The following RGS20 variants were observed in gnomAD, a reference collection of about 807,000 sequenced individuals.
The protein encoded by RGS20 is gz-selective GTPase-activating protein.
Under a neutral mutation model 33.6 loss-of-function variants are expected in RGS20, and 30 were observed. The observed-to-expected ratio is 0.89, with a 90% CI of 0.67 to 1.21. RGS20 has a LOEUF of 1.21. Ranked by LOEUF, RGS20 falls within the 50% of genes most tolerant of loss-of-function variation. The probability of loss-of-function intolerance (pLI) is 0.00; values close to 1 mark genes in which losing one functional copy is unlikely to be tolerated. For synonymous variants in RGS20, 208 were observed against 197.9 expected (o/e 1.05, Z -0.43); for missense variants, 472 against 502.4 (o/e 0.94, Z 0.58).
In RGS20 at chr8:53,958,617, T is replaced by C. The variant is rs1814946387; in HGVS notation, c.*159T>C. 2.7e-6 allele frequency: 1 copy of C among 369,888 alleles called. No individual in the cohort carries two copies. The highest frequency in any genetic ancestry group is 4.7e-6 in the Non-Finnish European group (1 of 214,792). The allele number at this position is 369,888 out of a possible 1,614,324, so 22.9% of individuals were successfully genotyped here. On this transcript the variant is annotated 3_prime_UTR_variant, in exon 6 of 6. Coordinates refer to ENST00000297313, the MANE Select transcript of RGS20 (RefSeq NM_170587.4). ...TCAACAGACTGCTATATATTCACCA[T>C]GTAAACTGCAGCCACCTTTAGTGAT...
Position 53,934,874 on chromosome 8 carries a change from G to A in RGS20, c.511-4702G>A, listed in dbSNP as rs186191716. On this transcript the variant is annotated intron_variant, in intron 2 of 5. Coordinates refer to ENST00000297313, the MANE Select transcript of RGS20 (RefSeq NM_170587.4). ...CATAATTGAAAGTAAAACACTCCTCGGCAAACGCAAAAGAACAGAAATCAC... is the reference window on the plus strand; with the variant it reads ...CATAATTGAAAGTAAAACACTCCTCAGCAAACGCAAAAGAACAGAAATCAC... Among the ~76,000 whole-genome samples, 43 of 151,984 alleles carry A rather than the reference G, an allele frequency of 2.8e-4. No individual in the cohort carries two copies. The East Asian group carries it at 6.4e-3, about 23-fold the overall frequency.
chr8:53,946,099 A>G (rs1409331871), intron 3 of RGS20, among the ~76,000 whole-genome samples: 1 of 152,242 alleles, frequency 6.6e-6, no homozygotes, highest in Non-Finnish European at 1.5e-5. Flanking sequence ...ATATTTGCCT[A>G]TAAATATATG....
rs149058663 is a variant in RGS20 at position 53,907,012 on chromosome 8, C to T, written c.510+27410C>T. On this transcript the variant is annotated intron_variant, in intron 2 of 5. Transcript: ENST00000297313. ...CCCCAGACATAGCTCTCTGGCTTCA[C>T]GTTCCACCCCATTTTAATGTCATTA... Among the ~76,000 whole-genome samples, 266 of 152,272 alleles carry T rather than the reference C, an allele frequency of 1.7e-3. 1 individual carries two copies. Among genetic ancestry groups the T allele is most frequent in the South Asian group, 4.4e-3 (21 of 4,818 alleles).
intron 2 of RGS20, among the ~76,000 whole-genome samples, chr8:53,912,354 T>A (rs1233500266): frequency 4.8e-5 from 2 of 41,978 alleles, no homozygotes; most frequent in African/African-American, 2.6e-4. Context: ...TAATCTTGAT[T>A]TTTTTTTTTT....
rs528967892 is a variant in RGS20, at chr8:53,871,624, A to T, written c.166-7634A>T. Among the ~76,000 whole-genome samples, 212 of 148,594 alleles carry T rather than the reference A, an allele frequency of 1.4e-3. 1 individual carries two copies. In the East Asian group the frequency reaches 0.015, roughly 10 times the overall value. ...AGAGTGAGAGTCCATCTCAAAAAAA[A>T]AATAATAATAATAATAATTACAACA... On this transcript the variant is annotated intron_variant, in intron 1 of 5. Transcript: ENST00000297313.
chr8:53,856,479 A>G (rs1811672580), intron 1 of RGS20, among the ~76,000 whole-genome samples: 1 of 152,078 alleles, frequency 6.6e-6, no homozygotes, highest in Non-Finnish European at 1.5e-5. Flanking sequence ...TTGGCCTCCC[A>G]AAGTGCTGAG....
rs192740481 is a variant in RGS20, at chr8:53,950,388, A to G, written c.743+3640A>G. On this transcript the variant is annotated intron_variant, in intron 4 of 5. Coordinates refer to ENST00000297313, the MANE Select transcript of RGS20 (RefSeq NM_170587.4). ...GAACTAGAAATGTCTCAGATTTCAG[A>G]TTTTTTCAGATTTCGGAATATTTGC... is the stretch of plus-strand genomic sequence containing the variant. 3.3e-5 allele frequency among the ~76,000 whole-genome samples: 5 copies of G among 152,166 alleles called. No homozygotes were observed. In the East Asian group the frequency reaches 9.7e-4, roughly 29 times the overall value.
At chr8:53,874,955 G>A (rs1352589129) in intron 1 of RGS20, among the ~76,000 whole-genome samples, 4 of 152,298 alleles carry the variant, frequency 2.6e-5, no homozygotes, top group East Asian at 1.9e-4. Flanking sequence ...TAACAGCTGT[G>A]AATATGAAGT....
Position 53,936,758 on chromosome 8 carries a change from T to C in RGS20, c.511-2818T>C, listed in dbSNP as rs890743772. Among the ~76,000 whole-genome samples the C allele has an allele frequency of 5.3e-5, 8 of 152,164 alleles. No homozygotes were observed. In the East Asian group the frequency reaches 1.5e-3, roughly 29 times the overall value. ...GGAAAAAACTACTTTAAATTTCATA[T>C]GGAACCAAAAAAGAGTTTGTATAGC... is the stretch of plus-strand genomic sequence containing the variant. On this transcript the variant is annotated intron_variant, in intron 2 of 5. Transcript: ENST00000297313.
At chr8:53,937,063 T>A (rs900739195) in intron 2 of RGS20, among the ~76,000 whole-genome samples, 5 of 151,968 alleles carry the variant, frequency 3.3e-5, no homozygotes, top group African/African-American at 1.2e-4. Context: ...TGAAATTGGG[T>A]TCTCACTCAT....
chr8:53,941,360 T>A (rs771062340), intron 3 of RGS20, among the ~76,000 whole-genome samples: 1 of 151,992 alleles, frequency 6.6e-6, no homozygotes, highest in Admixed American at 6.6e-5. Context: ...AAATAAGACA[T>A]TCTCAGACAT....
intron 2 of RGS20, among the ~76,000 whole-genome samples, chr8:53,902,105 C>T (rs1258935117): frequency 6.6e-6 from 1 of 152,144 alleles, no homozygotes; most frequent in Non-Finnish European, 1.5e-5. Context: ...ACAACCTCTG[C>T]CTCCTGGACC....
At chr8:53,903,276 A>G (rs1354755932) in intron 2 of RGS20, among the ~76,000 whole-genome samples, 2 of 152,240 alleles carry the variant, frequency 1.3e-5, no homozygotes, top group Admixed American at 6.5e-5. Context: ...TCAGTAAAAA[A>G]GCACTGCCCT....
chr8:53,934,928 A>C (rs2129289408), intron 2 of RGS20, among the ~76,000 whole-genome samples: 1 of 152,362 alleles, frequency 6.6e-6, no homozygotes, highest in South Asian at 2.1e-4. Context: ...CCACAGTGCA[A>C]TCAAATTAGA....
At chr8:53,871,511 G>C (rs1375479350) in intron 1 of RGS20, among the ~76,000 whole-genome samples, 1 of 151,960 alleles carries the variant, frequency 6.6e-6, no homozygotes, top group Non-Finnish European at 1.5e-5. Flanking sequence ...CACCTACTTA[G>C]GAAGCTGAGG....
In RGS20 at chr8:53,911,890, G is replaced by A. The variant is rs559755542; in HGVS notation, c.511-27686G>A. Reference sequence around the variant, plus strand: ...CGGGAGGTGAAAGTCGCAATTAGCCGAGATTGGGCCACTTAACTCCAGCTT... The same window carrying A: ...CGGGAGGTGAAAGTCGCAATTAGCCAAGATTGGGCCACTTAACTCCAGCTT... On this transcript the variant is annotated intron_variant, in intron 2 of 5. Coordinates refer to ENST00000297313, the MANE Select transcript of RGS20 (RefSeq NM_170587.4). 5.3e-5 allele frequency among the ~76,000 whole-genome samples: 8 copies of A among 152,288 alleles called. 1 individual carries two copies. Among genetic ancestry groups the A allele is most frequent in the African/African-American group, 1.2e-4 (5 of 41,568 alleles).
At chr8:53,873,502 T>C (rs1812124168) in intron 1 of RGS20, among the ~76,000 whole-genome samples, 1 of 152,246 alleles carries the variant, frequency 6.6e-6, no homozygotes, top group Non-Finnish European at 1.5e-5. Context: ...TGTCCTTTTG[T>C]GTCTGTCATC....
chr8:53,885,790 C>CTTTT (rs1172257852), intron 2 of RGS20, among the ~76,000 whole-genome samples: 30 of 112,714 alleles, frequency 2.7e-4, no homozygotes, highest in African/African-American at 7.5e-4. Flanking sequence ...GTATCTTACT[C>CTTTT]TTTTTTTTTT....
At chr8:53,871,303 C>A (rs1258013182) in intron 1 of RGS20, among the ~76,000 whole-genome samples, 1 of 152,052 alleles carries the variant, frequency 6.6e-6, no homozygotes, top group African/African-American at 2.4e-5. Context: ...GACCACACTA[C>A]TCAGAATTAT....
Sources: gnomAD v4.1 joint callset for allele counts (sites outside exome capture counted in the v4.1 genomes callset) on GRCh38, gnomAD v4.1.1 for gene constraint, MANE v1.5 for transcripts, NCBI Gene and HGNC (gene_info 2026-07-23, HGNC 2026-07-21) for gene names.